RBFOX1: variants seen among roughly 807,000 people sequenced by gnomAD.
The protein encoded by RBFOX1 is RNA binding fox-1 homolog 1, also known as RNA binding protein fox-1 homolog 1.
In RBFOX1, 8 loss-of-function variants were observed where a neutral mutation model predicts 57.7. The observed-to-expected ratio is 0.14, with a 90% CI of 0.08 to 0.25. RBFOX1 has a LOEUF of 0.25. Among genes scored for constraint, RBFOX1 ranks in the 10% least tolerant of loss-of-function variants. RBFOX1 has a pLI of 1.00. For missense variants in RBFOX1, 611 were observed against 548.5 expected, an observed-to-expected ratio of 1.11 and a Z score of -1.14; for synonymous variants, 326 against 222.4, an observed-to-expected ratio of 1.47 and a Z score of -4.15.
intron 1 of RBFOX1, among the ~76,000 whole-genome samples, chr16:5,313,306 C>G (rs927294798): frequency 1.3e-5 from 2 of 152,080 alleles, no homozygotes; most frequent in African/African-American, 4.8e-5. Flanking sequence ...ATGAGGAGAG[C>G]AAGGACCAGG....
At chr16:6,054,658 C>G (rs2095592910) in intron 1 of RBFOX1, among the ~76,000 whole-genome samples, 1 of 152,180 alleles carries the variant, frequency 6.6e-6, no homozygotes, top group Non-Finnish European at 1.5e-5. Flanking sequence ...GAATAAGTCA[C>G]TGTAATGAAA....
At chr16:7,522,487 G>C (rs1250964250) in intron 5 of RBFOX1, among the ~76,000 whole-genome samples, 2 of 152,206 alleles carry the variant, frequency 1.3e-5, no homozygotes, top group African/African-American at 2.4e-5. Flanking sequence ...AGTTTTGCTA[G>C]AGTAGTGGAG....
rs936123810 is a variant in RBFOX1 at position 6,319,717 on chromosome 16, C to A, written c.-64+2660C>A. ...ATCTGTTTTCTAGCTCTCCACATCC[C>A]TTTGTTGTTATCTGTGTGCTAAGAG... is the stretch of plus-strand genomic sequence containing the variant. On this transcript the variant is annotated intron_variant, in intron 2 of 15. Coordinates refer to ENST00000550418, the MANE Select transcript of RBFOX1 (RefSeq NM_018723.4). 2.0e-5 allele frequency among the ~76,000 whole-genome samples: 3 copies of A among 152,150 alleles called. No individual in the cohort carries two copies. In the East Asian group the frequency reaches 5.8e-4, roughly 29 times the overall value.
chr16:7,215,233 G>A (rs920053723), intron 4 of RBFOX1, among the ~76,000 whole-genome samples: 1 of 152,146 alleles, frequency 6.6e-6, no homozygotes, highest in African/African-American at 2.4e-5. Context: ...GTGTAAATTA[G>A]TTCAACCACT....
intron 1 of RBFOX1, among the ~76,000 whole-genome samples, chr16:6,039,370 A>G (rs71392456): frequency 6.7e-6 from 1 of 150,230 alleles, no homozygotes; most frequent in Non-Finnish European, 1.5e-5. Flanking sequence ...AAAAAACAGA[A>G]CAAAACATGC....
chr16:6,730,555 C>A (rs1475263236), intron 3 of RBFOX1, among the ~76,000 whole-genome samples: 1 of 152,186 alleles, frequency 6.6e-6, no homozygotes, highest in Non-Finnish European at 1.5e-5. Flanking sequence ...ATCTATGCAT[C>A]TATGTATCTG....
At chr16:5,410,451 A>C (rs983658727) in intron 1 of RBFOX1, among the ~76,000 whole-genome samples, 3 of 152,224 alleles carry the variant, frequency 2.0e-5, no homozygotes, top group African/African-American at 7.2e-5. Flanking sequence ...GAAAAGTGAA[A>C]CAGAATGGTA....
chr16:7,417,457 C>A (rs1056178359), intron 4 of RBFOX1, among the ~76,000 whole-genome samples: 1 of 151,606 alleles, frequency 6.6e-6, no homozygotes, highest in African/African-American at 2.4e-5. Context: ...CAAAGTACAC[C>A]ACCACCACCA....
intron 3 of RBFOX1, among the ~76,000 whole-genome samples, chr16:6,696,371 G>A (rs2110347): frequency 0.98 from 149,553 of 152,280 alleles, 73,497 homozygotes; most frequent in Middle Eastern, 1. Flanking sequence ...ATAATATGCA[G>A]TGAGTCTTGT....
intron 4 of RBFOX1, among the ~76,000 whole-genome samples, chr16:7,113,093 G>A (rs2065138321): frequency 1.3e-5 from 2 of 152,108 alleles, no homozygotes; most frequent in African/African-American, 2.4e-5. Flanking sequence ...ATTGCTTCAG[G>A]CACATGTTGA....
At chr16:7,299,889 A>G (rs1443842319) in intron 4 of RBFOX1, among the ~76,000 whole-genome samples, 2 of 152,150 alleles carry the variant, frequency 1.3e-5, no homozygotes, top group Admixed American at 1.3e-4. Context: ...CATAAGTAGA[A>G]ATTATGTTTT....
At chr16:7,689,472 C>T (rs1489781126) in intron 14 of RBFOX1, among the ~76,000 whole-genome samples, 2 of 152,122 alleles carry the variant, frequency 1.3e-5, no homozygotes, top group African/African-American at 2.4e-5. Context: ...AAATGAGTGC[C>T]TGTGGAGCTG....
intron 3 of RBFOX1, among the ~76,000 whole-genome samples, chr16:7,035,700 T>G (rs1005951525): frequency 2.7e-4 from 41 of 152,206 alleles, no homozygotes; most frequent in African/African-American, 9.9e-4. Flanking sequence ...CCAGGTGACC[T>G]AGATTTTCCT....
chr16:5,410,118 C>G (rs924661781), intron 1 of RBFOX1, among the ~76,000 whole-genome samples: 7 of 151,330 alleles, frequency 4.6e-5, no homozygotes, highest in Admixed American at 1.3e-4. Context: ...AATGCCTGCG[C>G]TTTGGGAGAG....
At chr16:5,736,783 A>T (rs1044912787) in intron 3 of RBFOX1, among the ~76,000 whole-genome samples, 3 of 145,950 alleles carry the variant, frequency 2.1e-5, no homozygotes, top group African/African-American at 7.7e-5. Context: ...CCATCTGTTT[A>T]TGTGTCTGTG....
intron 3 of RBFOX1, among the ~76,000 whole-genome samples, chr16:6,929,554 C>A (rs1449205075): frequency 6.6e-6 from 1 of 152,056 alleles, no homozygotes; most frequent in African/African-American, 2.4e-5. Context: ...ATGACTGTAG[C>A]TGTGAGGGAA....
intron 1 of RBFOX1, among the ~76,000 whole-genome samples, chr16:5,330,790 T>A (rs953674959): frequency 2.0e-5 from 3 of 151,840 alleles, no homozygotes; most frequent in African/African-American, 7.3e-5. Flanking sequence ...GAGCACTGTT[T>A]CAGGAATGAT....
chr16:6,598,825 A>C (rs534782585), intron 2 of RBFOX1, among the ~76,000 whole-genome samples: 1 of 151,708 alleles, frequency 6.6e-6, no homozygotes, highest in East Asian at 1.9e-4. Context: ...ATGCACCTGT[A>C]GTCCCAGCTA....
intron 3 of RBFOX1, among the ~76,000 whole-genome samples, chr16:6,931,288 T>A (rs1367167999): frequency 8.7e-6 from 1 of 115,422 alleles, no homozygotes; most frequent in African/African-American, 3.6e-5. Flanking sequence ...TATCTGTCTG[T>A]CTGTCTGTCT....
Sources: allele counts gnomAD v4.1 joint callset (sites outside exome capture counted in the v4.1 genomes callset), GRCh38; gene constraint gnomAD v4.1.1; transcripts MANE v1.5; gene names NCBI Gene and HGNC (gene_info 2026-07-23, HGNC 2026-07-21).